The following SIRT5 variants were observed in gnomAD, a reference collection of about 807,000 sequenced individuals.
SIRT5 encodes the protein sirtuin 5.
A neutral mutation model predicts 40.0 loss-of-function variants in SIRT5; 26 were observed. The observed-to-expected ratio is 0.65, with a 90% CI of 0.48 to 0.90. SIRT5 has a LOEUF of 0.90. Among genes scored for constraint, SIRT5 ranks in the 40% least tolerant of loss-of-function variants. The pLI, the probability that SIRT5 is intolerant of heterozygous loss-of-function variation, is 0.00. For missense variants in SIRT5, 401 were observed against 402.4 expected, an observed-to-expected ratio of 1.00 and a Z score of 0.03; for synonymous variants, 146 against 149.1, an observed-to-expected ratio of 0.98 and a Z score of 0.15.
chr6:13,590,467 G>A (rs1441097293), intron 4 of SIRT5, among the ~76,000 whole-genome samples: 1 of 152,060 alleles, frequency 6.6e-6, no homozygotes, highest in Non-Finnish European at 1.5e-5. Context: ...ATGTATGTGT[G>A]TAGCTGTGTA....
At chr6:13,587,502 G>GAA (rs34082478) in intron 3 of SIRT5, among the ~76,000 whole-genome samples, 1 of 151,954 alleles carries the variant, frequency 6.6e-6, no homozygotes, top group South Asian at 2.1e-4. Flanking sequence ...TGTTTCAGGG[G>GAA]AAAAAATCCC....
intron 5 of SIRT5, among the ~76,000 whole-genome samples, chr6:13,593,514 C>G (rs1276180665): frequency 6.6e-6 from 1 of 152,046 alleles, no homozygotes; most frequent in Non-Finnish European, 1.5e-5. Flanking sequence ...GATGACAATG[C>G]CTATCTTATA....
rs1203440719 is a variant in SIRT5, at chr6:13,584,063, G to A, written c.-35-13G>A. The stretch of plus-strand genomic sequence containing the variant: ...TTGTTTCTACACTATTTGTTTTTGT[G>A]ATTTTTCTAAAGCCCGCCTCAAGCA... On this transcript the variant is annotated splice_polypyrimidine_tract_variant and intron_variant, in intron 2 of 9. Transcript: ENST00000606117. 2.2e-6 allele frequency: 3 copies of A among 1,356,088 alleles called. No individual in the cohort carries two copies. The highest frequency in any genetic ancestry group is 1.4e-5 in the African/African-American group (1 of 69,692). 84.0% of individuals were successfully genotyped at this position (1,356,088 alleles called of 1,614,324 possible). A position where few individuals can be genotyped will look rare whatever the true frequency, so the allele number is the denominator to read the frequency against.
intron 9 of SIRT5, chr6:13,605,667 C>A: frequency 4.1e-6 from 4 of 985,438 alleles, no homozygotes; most frequent in Non-Finnish European, 4.8e-6. Flanking sequence ...TTCCCCATGT[C>A]CGATGCTTAT....
chr6:13,586,145 C>T (rs1487706980), intron 3 of SIRT5, among the ~76,000 whole-genome samples: 2 of 152,068 alleles, frequency 1.3e-5, no homozygotes, highest in Non-Finnish European at 2.9e-5. Context: ...GGATATTAGC[C>T]CTTTGTCAGA....
intron 2 of SIRT5, among the ~76,000 whole-genome samples, chr6:13,582,924 G>T (rs1452761719): frequency 1.3e-5 from 2 of 152,098 alleles, no homozygotes; most frequent in Non-Finnish European, 2.9e-5. Context: ...AACTACTTTG[G>T]GCTGGGCATG....
chr6:13,575,442 T>A (rs2127594812), intron 1 of SIRT5, among the ~76,000 whole-genome samples: 1 of 152,264 alleles, frequency 6.6e-6, no homozygotes, highest in South Asian at 2.1e-4. Context: ...TTTATTTAGC[T>A]CTTAGGCGTT....
intron 5 of SIRT5, among the ~76,000 whole-genome samples, chr6:13,592,989 T>C (rs952269502): frequency 2.0e-5 from 3 of 151,354 alleles, no homozygotes; most frequent in Admixed American, 6.6e-5. Context: ...TCATAGCTCA[T>C]TGCAGCCTTG....
At chr6:13,608,906 C>G (rs1385587839) in intron 9 of SIRT5, among the ~76,000 whole-genome samples, 2 of 151,486 alleles carry the variant, frequency 1.3e-5, no homozygotes, top group African/African-American at 2.4e-5. Flanking sequence ...ACTGCAACCT[C>G]TGCCTCCCGG....
intron 9 of SIRT5, among the ~76,000 whole-genome samples, chr6:13,608,316 T>G (rs764685766): frequency 7.6e-4 from 115 of 152,240 alleles, no homozygotes; most frequent in Non-Finnish European, 1.4e-3. Flanking sequence ...CCAGGTACAA[T>G]GGCTTATGCC....
At chr6:13,605,134 G>GT in intron 9 of SIRT5, 3 of 985,480 alleles carry the variant, frequency 3.0e-6, no homozygotes, top group Non-Finnish European at 3.6e-6. Flanking sequence ...TGTATATCTC[G>GT]TGCTTAACAG....
rs1452046828 is a variant in SIRT5, at chr6:13,580,376, AGT to A, written c.-36+770_-36+771del. On this transcript the variant is annotated intron_variant, in intron 2 of 9. Transcript: ENST00000606117. ...ACGCTTTTTATTATACAGTTCTATG[AGT>A]GTTGAAAAAAATCACAAAAATAAAG... Among the ~76,000 whole-genome samples, 8 of 152,260 alleles carry A rather than the reference AGT, an allele frequency of 5.3e-5. No individual in the cohort carries two copies. In the South Asian group the frequency reaches 8.3e-4, roughly 16 times the overall value.
chr6:13,599,029 C>G lies in SIRT5; in HGVS notation c.618-3C>G. On this transcript the variant is annotated splice_region_variant and splice_polypyrimidine_tract_variant and intron_variant, in intron 7 of 9. Coordinates refer to ENST00000606117, the MANE Select transcript of SIRT5 (RefSeq NM_012241.5). ...GGTTGGCTTAAGGATCCCATTCTTC[C>G]AGGTGTGAAGAGGCAGGCTGCGGGG... 1 of 1,613,718 alleles carries G rather than the reference C, an allele frequency of 6.2e-7. No individual in the cohort carries two copies. Among genetic ancestry groups the G allele is most frequent in the Non-Finnish European group, 8.5e-7 (1 of 1,179,852 alleles).
At position 13,615,041 on chromosome 6, in the gene SIRT5, C is replaced by T; in HGVS notation, c.*3176C>T. ...TTTCTGAGCACCGGACAGCGTGAGCCGTGCCAGCCCTGTCTCGCCATCCCA... is the reference window on the plus strand; with the variant it reads ...TTTCTGAGCACCGGACAGCGTGAGCTGTGCCAGCCCTGTCTCGCCATCCCA... On this transcript the variant is annotated 3_prime_UTR_variant, in exon 10 of 10. Coordinates refer to ENST00000606117, the MANE Select transcript of SIRT5 (RefSeq NM_012241.5). 1 of 331,918 alleles carries T rather than the reference C, an allele frequency of 3.0e-6. No individual in the cohort carries two copies. The allele number at this position is 331,918 out of a possible 1,614,324, so 20.6% of individuals were successfully genotyped here.
intron 9 of SIRT5, among the ~76,000 whole-genome samples, chr6:13,608,891 A>G (rs1317008798): frequency 6.6e-6 from 1 of 150,682 alleles, no homozygotes; most frequent in Non-Finnish European, 1.5e-5. Context: ...GTGCAGTCTC[A>G]GCTCACTGCA....
intron 9 of SIRT5, chr6:13,604,848 T>C: frequency 9.6e-7 from 1 of 1,046,572 alleles, no homozygotes; most frequent in Non-Finnish European, 1.1e-6. Flanking sequence ...AAACCTATGA[T>C]TGTCTCTAAC....
rs1475534569 is a variant in SIRT5, at chr6:13,610,676, A to C, written c.858-1114A>C. On this transcript the variant is annotated intron_variant, in intron 9 of 9. Coordinates refer to ENST00000606117, the MANE Select transcript of SIRT5 (RefSeq NM_012241.5). ...AATTGAGGATCTGGGAATTCCCTAA[A>C]CGCTCCCCATGGCTGGCAGTAATTC... is the stretch of plus-strand genomic sequence containing the variant. Among the ~76,000 whole-genome samples the C allele has an allele frequency of 2.0e-5, 3 of 152,150 alleles. No individual in the cohort carries two copies. In the East Asian group the frequency reaches 5.8e-4, roughly 29 times the overall value.
At chr6:13,590,573 G>A (rs1216080344) in intron 4 of SIRT5, among the ~76,000 whole-genome samples, 1 of 151,924 alleles carries the variant, frequency 6.6e-6, no homozygotes, top group East Asian at 1.9e-4. Flanking sequence ...GTTTAGTTGT[G>A]TGTGTATTAA....
intron 9 of SIRT5, 104 bp from the exon 10 acceptor site, chr6:13,611,686 G>C: frequency 1.2e-6 from 1 of 844,684 alleles, no homozygotes; most frequent in South Asian, 1.4e-5. Context: ...GAGAATTTGG[G>C]TTTTACTTCG....
Sources: allele counts gnomAD v4.1 joint callset (sites outside exome capture counted in the v4.1 genomes callset), GRCh38; gene constraint gnomAD v4.1.1; transcripts MANE v1.5; gene names NCBI Gene and HGNC (gene_info 2026-07-23, HGNC 2026-07-21).